The following SLA variants were observed in gnomAD, a reference collection of about 807,000 sequenced individuals.
SLA encodes the protein Src like adaptor, also known as src-like-adapter.
In SLA, 16 loss-of-function variants were observed where a neutral mutation model predicts 30.3. The ratio of observed to expected loss-of-function variants is 0.53; its 90% CI spans 0.36 to 0.80. The LOEUF is 0.80. SLA is among the 30% of genes least tolerant of loss of function. The pLI, the probability that SLA is intolerant of heterozygous loss-of-function variation, is 0.01. For synonymous variants in SLA, 143 were observed against 137.8 expected, an observed-to-expected ratio of 1.04 and a Z score of -0.26; for missense variants, 310 against 345.2, an observed-to-expected ratio of 0.90 and a Z score of 0.81.
intron 2 of SLA, among the ~76,000 whole-genome samples, chr8:133,062,892 G>C (rs990431072): frequency 2.6e-5 from 4 of 152,138 alleles, no homozygotes; most frequent in Non-Finnish European, 5.9e-5. Flanking sequence ...TGCACAGGCT[G>C]CTCTGCTACG....
At chr8:133,052,321 T>C (rs1480478030) in intron 3 of SLA, among the ~76,000 whole-genome samples, 1 of 152,234 alleles carries the variant, frequency 6.6e-6, no homozygotes, top group Non-Finnish European at 1.5e-5. Context: ...TCAAATGTAT[T>C]GTTCATTTGG....
At chr8:133,040,151 C>G (rs369387375) in intron 7 of SLA, 21 bp from the exon 8 acceptor site, 6 of 1,574,180 alleles carry the variant, frequency 3.8e-6, no homozygotes, top group Non-Finnish European at 3.4e-6. Flanking sequence ...AAGCAGACAG[C>G]CGGTCAGGGA....
intron 5 of SLA, chr8:133,049,374 G>A (rs1840014184): frequency 3.2e-6 from 1 of 314,610 alleles, no homozygotes; most frequent in Non-Finnish European, 6.4e-6. Flanking sequence ...GTAATGCCTG[G>A]CATTGCTCCA....
intron 1 of SLA, among the ~76,000 whole-genome samples, chr8:133,096,662 T>A (rs1287905566): frequency 6.6e-6 from 1 of 152,196 alleles, no homozygotes; most frequent in Non-Finnish European, 1.5e-5. Context: ...AATACCCACA[T>A]TCTGGACCAT....
At chr8:133,067,872 AAGGAAGGAAGGAAGTATGTATGG>A (rs1843277324) in intron 2 of SLA, among the ~76,000 whole-genome samples, 5 of 29,290 alleles carry the variant, frequency 1.7e-4, no homozygotes, top group South Asian at 1.2e-3. Flanking sequence ...GAAAGAAAGG[AAGGAAGGAAGGAAGTATGTATGG>A]AAGGAAGGAA....
chr8:133,093,453 C>T (rs1055894606), intron 1 of SLA, among the ~76,000 whole-genome samples: 2 of 152,162 alleles, frequency 1.3e-5, no homozygotes, highest in African/African-American at 2.4e-5. Context: ...CCAGGAGACT[C>T]GGAGTTTGTC....
In SLA at chr8:133,040,269, G is replaced by T. The variant is rs550037674; in HGVS notation, c.485-139C>A. On this transcript the variant is annotated intron_variant, in intron 7 of 8. Transcript: ENST00000338087. The stretch of plus-strand genomic sequence containing the variant: ...GGGCCTGAGATTTCAAAGGGGCATG[G>T]TAGGTGGTGACAATGCTGAAAGTCA... 6.6e-6 allele frequency: 6 copies of T among 912,744 alleles called. No homozygotes were observed. The South Asian group carries it at 8.4e-5, about 13-fold the overall frequency. The allele number at this position is 912,744 out of a possible 1,614,324, so 56.5% of individuals were successfully genotyped here.
chr8:133,087,071 TACACACACACACAC>T (rs56028043), intron 1 of SLA, among the ~76,000 whole-genome samples: 5,566 of 143,084 alleles, frequency 0.039, 205 homozygotes, highest in African/African-American at 0.095. Context: ...AATATATGTT[TACACACACACACAC>T]ACACACACAC....
At chr8:133,042,678 C>CTT (rs58739514) in intron 7 of SLA, among the ~76,000 whole-genome samples, 1,443 of 56,658 alleles carry the variant, frequency 0.025, 342 homozygotes, top group African/African-American at 0.039. Context: ...CATTCTGTGT[C>CTT]TTTTTTTTTT....
At chr8:133,093,486 C>A (rs1408075537) in intron 1 of SLA, among the ~76,000 whole-genome samples, 2 of 152,134 alleles carry the variant, frequency 1.3e-5, no homozygotes, top group African/African-American at 4.8e-5. Flanking sequence ...GACAGAAAAT[C>A]ACGTGTATCT....
chr8:133,065,331 A>G (rs1290355850), intron 2 of SLA, among the ~76,000 whole-genome samples: 1 of 152,240 alleles, frequency 6.6e-6, no homozygotes, highest in East Asian at 1.9e-4. Context: ...AGGAAGAGCT[A>G]AAGCTGGGAT....
intron 3 of SLA, among the ~76,000 whole-genome samples, chr8:133,051,239 A>G (rs1840353007): frequency 6.6e-6 from 1 of 152,172 alleles, no homozygotes; most frequent in Non-Finnish European, 1.5e-5. Context: ...TACTAGCCTC[A>G]CCCTCTCCAT....
At chr8:133,051,467 G>C (rs570544360) in intron 3 of SLA, among the ~76,000 whole-genome samples, 1 of 152,310 alleles carries the variant, frequency 6.6e-6, no homozygotes, top group South Asian at 2.1e-4. Context: ...TTAGGACCAT[G>C]AGGCAGTAAC....
intron 1 of SLA, among the ~76,000 whole-genome samples, chr8:133,077,244 A>G (rs1474852858): frequency 6.6e-6 from 1 of 152,216 alleles, no homozygotes; most frequent in Non-Finnish European, 1.5e-5. Context: ...TGTTCAAGTC[A>G]GAGGCAGAGG....
At chr8:133,041,601 G>T (rs1314426085) in intron 7 of SLA, among the ~76,000 whole-genome samples, 3 of 152,202 alleles carry the variant, frequency 2.0e-5, no homozygotes, top group Admixed American at 6.5e-5. Context: ...ATCAGCTGCA[G>T]TGTGCAGCAC....
intron 3 of SLA, among the ~76,000 whole-genome samples, chr8:133,053,824 T>C (rs1840867301): frequency 6.6e-6 from 1 of 152,196 alleles, no homozygotes. Context: ...AAGTTTCCTG[T>C]GGAATTTCCG....
At position 133,042,678 on chromosome 8, in the gene SLA, C is replaced by CCT. The variant is rs1554706932; in HGVS notation, c.484+2305_484+2306insAG. Reference sequence around the variant, plus strand: ...GTGCACAATTCCTCTCATTCTGTGTCTTTTTTTTTTTTTTTTTTTTTTTTT... The same window carrying CCT: ...GTGCACAATTCCTCTCATTCTGTGTCCTTTTTTTTTTTTTTTTTTTTTTTTTT... On this transcript the variant is annotated intron_variant, in intron 7 of 8. Coordinates refer to ENST00000338087, the MANE Select transcript of SLA (RefSeq NM_001045556.3). Among the ~76,000 whole-genome samples the CCT allele has an allele frequency of 1.1e-4, 6 of 56,768 alleles. 1 individual carries two copies. In the South Asian group the frequency reaches 1.8e-3, roughly 17 times the overall value. 37.2% of individuals were successfully genotyped at this position (56,768 alleles called of 152,430 possible).
At chr8:133,048,473 G>A (rs3779962) in intron 5 of SLA, 71,061 of 154,764 alleles carry the variant, frequency 0.46, 16,693 homozygotes, top group African/African-American at 0.53. Context: ...TACCTGCCTC[G>A]GACTTCCAAA....
Position 133,060,173 on chromosome 8 carries a change from C to T in SLA, c.-13G>A, listed in dbSNP as rs1297247825. 7 of 1,612,284 alleles carry T rather than the reference C, an allele frequency of 4.3e-6. No individual in the cohort carries two copies. Among genetic ancestry groups the T allele is most frequent in the South Asian group, 1.1e-5 (1 of 90,738 alleles). ...TGCTGTTTCCCATTTCTTTCTTTTT[C>T]CCTGGGGCCGCTGGTGATGCCCAGA... On this transcript the variant is annotated 5_prime_UTR_variant, in exon 3 of 9. Coordinates refer to ENST00000338087, the MANE Select transcript of SLA (RefSeq NM_001045556.3).
Sources: allele counts gnomAD v4.1 joint callset (sites outside exome capture counted in the v4.1 genomes callset), GRCh38; gene constraint gnomAD v4.1.1; transcripts MANE v1.5; gene names NCBI Gene and HGNC (gene_info 2026-07-23, HGNC 2026-07-21).